RB1CC1: variants seen among roughly 807,000 people sequenced by gnomAD.
The protein encoded by RB1CC1 is RB1 inducible coiled-coil 1, also known as RB1-inducible coiled-coil protein 1.
RB1CC1 carries 46 observed loss-of-function variants against 177.5 expected under a neutral mutation model. That is an observed-to-expected ratio of 0.26 (90% CI 0.20 to 0.33). The LOEUF (loss-of-function observed/expected upper bound fraction) is 0.33, where lower values mean the gene tolerates loss of function less well. Ranked by LOEUF, RB1CC1 falls within the 10% of genes least tolerant of loss-of-function variation. RB1CC1 has a pLI of 1.00. For synonymous variants in RB1CC1, 666 were observed against 613.6 expected, an observed-to-expected ratio of 1.09 and a Z score of -1.26; for missense variants, 1,703 against 1,816.3, an observed-to-expected ratio of 0.94 and a Z score of 1.13.
chr8:52,678,716 A>T (rs1853393076), intron 5 of RB1CC1, among the ~76,000 whole-genome samples: 1 of 152,194 alleles, frequency 6.6e-6, no homozygotes, highest in Admixed American at 6.5e-5. Flanking sequence ...GAACAAATTT[A>T]GGTGAAAAGA....
chr8:52,654,967 T>C (rs547918319), intron 15 of RB1CC1, among the ~76,000 whole-genome samples: 1 of 152,314 alleles, frequency 6.6e-6, no homozygotes, highest in African/African-American at 2.4e-5. Flanking sequence ...GAGGTCTATT[T>C]TCCATACTGC....
At chr8:52,628,272 A>C (rs1848533007) in intron 21 of RB1CC1, 104 bp from the exon 22 acceptor site, 3 of 1,135,318 alleles carry the variant, frequency 2.6e-6, no homozygotes, top group Non-Finnish European at 3.8e-6. Flanking sequence ...TTAAGATATT[A>C]ATGCAATATT....
At position 52,685,455 on chromosome 8, in the gene RB1CC1, T is replaced by C. The variant is rs759472217; in HGVS notation, c.15A>G (p.Val5=). 1 of 1,591,348 alleles carries C rather than the reference T, an allele frequency of 6.3e-7. No individual in the cohort carries two copies. Among genetic ancestry groups the C allele is most frequent in the East Asian group, 2.2e-5 (1 of 44,672 alleles). ...GAGTAGTTCCAGTGTTAACCAGAAA[T>C]ACATATAACTTCATGATGATTTATC... MKLY[V]FLVNTGTTLT... Residue 5 remains valine (V), a synonymous_variant, in exon 3 of 24, where the codon GTA becomes GTG. Coordinates refer to ENST00000025008, the MANE Select transcript of RB1CC1 (RefSeq NM_014781.5).
At chr8:52,653,427 T>C (rs1850792248) in intron 15 of RB1CC1, among the ~76,000 whole-genome samples, 1 of 152,204 alleles carries the variant, frequency 6.6e-6, no homozygotes, top group Admixed American at 6.5e-5. Flanking sequence ...TCTGTGGTAG[T>C]GGTTGTCCGT....
intron 1 of RB1CC1, among the ~76,000 whole-genome samples, chr8:52,708,938 G>C (rs1280759604): frequency 6.6e-6 from 1 of 152,030 alleles, no homozygotes; most frequent in Non-Finnish European, 1.5e-5. Context: ...GAAGCTTTTA[G>C]TCCACTTTAT....
chr8:52,665,147 A>C (rs1468559426), intron 8 of RB1CC1, among the ~76,000 whole-genome samples: 1 of 152,208 alleles, frequency 6.6e-6, no homozygotes, highest in Non-Finnish European at 1.5e-5. Flanking sequence ...ATTTGACTGC[A>C]TCAAAATTTA....
intron 8 of RB1CC1, among the ~76,000 whole-genome samples, chr8:52,664,092 A>G (rs1326058912): frequency 2.0e-5 from 3 of 152,236 alleles, no homozygotes; most frequent in African/African-American, 7.2e-5. Flanking sequence ...TTGACTCTGT[A>G]CATCCCTTGG....
intron 1 of RB1CC1, among the ~76,000 whole-genome samples, chr8:52,688,342 A>G (rs1257288183): frequency 6.6e-6 from 1 of 152,152 alleles, no homozygotes; most frequent in Admixed American, 6.5e-5. Context: ...CCTAGCAAGG[A>G]ATATTAATAC....
chr8:52,697,204 T>C (rs183144188), intron 1 of RB1CC1, among the ~76,000 whole-genome samples: 2 of 142,052 alleles, frequency 1.4e-5, no homozygotes, highest in Non-Finnish European at 3.0e-5. Context: ...ATATGGAGTA[T>C]AAAGAAAAAG....
At chr8:52,675,404 C>T (rs1853005619) in intron 6 of RB1CC1, among the ~76,000 whole-genome samples, 1 of 151,928 alleles carries the variant, frequency 6.6e-6, no homozygotes, top group Admixed American at 6.5e-5. Context: ...AAACAAAAAA[C>T]CTGAACACAA....
intron 5 of RB1CC1, among the ~76,000 whole-genome samples, chr8:52,680,994 G>GTTT (rs1554548481): frequency 7.0e-5 from 9 of 128,620 alleles, no homozygotes; most frequent in Non-Finnish European, 7.9e-5. Flanking sequence ...GTGTGTGTGT[G>GTTT]TTTTTTTTTT....
intron 3 of RB1CC1, 46 bp from the exon 4 acceptor site, chr8:52,684,059 A>G (rs766347495): frequency 3.2e-6 from 5 of 1,567,992 alleles, no homozygotes; most frequent in Middle Eastern, 1.7e-4. Context: ...TATTTGCCCA[A>G]TGACTTTATT....
At chr8:52,688,316 G>A (rs906415917) in intron 1 of RB1CC1, among the ~76,000 whole-genome samples, 43 of 152,316 alleles carry the variant, frequency 2.8e-4, no homozygotes, top group Middle Eastern at 3.4e-3. Flanking sequence ...TAGGAGAGAT[G>A]TTGCTAAACT....
Position 52,656,887 on chromosome 8 carries a change from T to C in RB1CC1, c.2942A>G (p.Gln981Arg). The C allele has an allele frequency of 1.2e-6, 2 of 1,613,374 alleles. No individual in the cohort carries two copies. Among genetic ancestry groups the C allele is most frequent in the South Asian group, 2.2e-5 (2 of 91,064 alleles). The stretch of plus-strand genomic sequence containing the variant: ...CTTTAGATGACTTTGCTCCAAGGAC[T>C]GAAGTTCTGCCCTCAATAACTGTAA... ...EKLQLLRAEL[Q>R]SLEQSHLKEL... The change falls in exon 15 of 24, where the codon CAG becomes CGG. Residue 981 changes from glutamine to arginine, a missense_variant. Coordinates refer to ENST00000025008, the MANE Select transcript of RB1CC1 (RefSeq NM_014781.5).
At position 52,673,896 on chromosome 8, in the gene RB1CC1, T is replaced by C. The variant is rs764099808; in HGVS notation, c.951A>G (p.Arg317=). ...SLLDWINVQD[R]PNDVESLVRK... Reference sequence around the variant, plus strand: ...TGACCAAAGATTCCACATCATTAGGTCTATCTTGAACATTTATCCAGTCTA... The same window carrying C: ...TGACCAAAGATTCCACATCATTAGGCCTATCTTGAACATTTATCCAGTCTA... Residue 317 remains arginine (R), a synonymous_variant, in exon 7 of 24, where the codon AGA becomes AGG. Transcript: ENST00000025008. 3 of 1,613,952 alleles carry C rather than the reference T, an allele frequency of 1.9e-6. No individual in the cohort carries two copies. The South Asian group carries it at 3.3e-5, about 18-fold the overall frequency.
chr8:52,687,266 T>C (rs1854353569), intron 1 of RB1CC1, among the ~76,000 whole-genome samples: 1 of 152,186 alleles, frequency 6.6e-6, no homozygotes, highest in Non-Finnish European at 1.5e-5. Context: ...TGGGTTTGGT[T>C]TGGGGTCCAT....
At chr8:52,676,252 A>C in intron 6 of RB1CC1, 117 bp downstream of exon 6, 1 of 866,356 alleles carries the variant, frequency 1.2e-6, no homozygotes, top group Middle Eastern at 3.5e-4. Context: ...CTCAAAGAAT[A>C]AACCTCAGTT....
At chr8:52,681,664 T>C (rs112582537) in intron 5 of RB1CC1, among the ~76,000 whole-genome samples, 26 of 152,304 alleles carry the variant, frequency 1.7e-4, no homozygotes, top group East Asian at 7.7e-4. Context: ...GGTATGCTGA[T>C]TCACGCCTAT....
intron 1 of RB1CC1, among the ~76,000 whole-genome samples, chr8:52,704,332 T>C (rs533474669): frequency 2.0e-5 from 3 of 151,698 alleles, no homozygotes; most frequent in Non-Finnish European, 4.4e-5. Context: ...TGTGTGTTAG[T>C]GCCAAAAAGT....
Sources: gnomAD v4.1 joint callset for allele counts (sites outside exome capture counted in the v4.1 genomes callset) on GRCh38, gnomAD v4.1.1 for gene constraint, MANE v1.5 for transcripts, NCBI Gene and HGNC (gene_info 2026-07-23, HGNC 2026-07-21) for gene names.